COL26A1: variants seen among roughly 807,000 people sequenced by gnomAD.
The protein encoded by COL26A1 is collagen type XXVI alpha 1 chain, also known as collagen alpha-1(XXVI) chain.
In COL26A1, 41 loss-of-function variants were observed where a neutral mutation model predicts 59.3. The observed-to-expected ratio is 0.69, with a 90% CI of 0.54 to 0.90. The LOEUF (loss-of-function observed/expected upper bound fraction) is 0.90, where lower values mean the gene tolerates loss of function less well. Among genes scored for constraint, COL26A1 ranks in the 40% least tolerant of loss-of-function variants. The pLI is 0.00. For missense variants in COL26A1, 612 were observed against 602.3 expected, an observed-to-expected ratio of 1.02 and a Z score of -0.17; for synonymous variants, 266 against 256.0, an observed-to-expected ratio of 1.04 and a Z score of -0.37.
At chr7:101,494,976 G>C (rs989109305) in intron 3 of COL26A1, among the ~76,000 whole-genome samples, 2 of 152,164 alleles carry the variant, frequency 1.3e-5, no homozygotes, top group Non-Finnish European at 2.9e-5. Flanking sequence ...TTCCTTCCCC[G>C]TGGCTTCCAA....
intron 1 of COL26A1, among the ~76,000 whole-genome samples, chr7:101,405,269 T>G (rs1247414175): frequency 1.3e-5 from 2 of 151,854 alleles, no homozygotes; most frequent in Non-Finnish European, 2.9e-5. Context: ...AATATAATCA[T>G]AATCCTGAAC....
intron 3 of COL26A1, among the ~76,000 whole-genome samples, chr7:101,497,640 C>T (rs1428775358): frequency 6.6e-6 from 1 of 151,766 alleles, no homozygotes; most frequent in Non-Finnish European, 1.5e-5. Flanking sequence ...TGCACGATTA[C>T]ACCCCAGCCT....
Position 101,445,574 on chromosome 7 carries a change from AC to A in COL26A1, c.282-2109del, listed in dbSNP as rs1269520817. On this transcript the variant is annotated intron_variant, in intron 2 of 12. Transcript: ENST00000313669. The stretch of plus-strand genomic sequence containing the variant: ...GTGAAACCCCGTCTCTGCTAAAAAT[AC>A]AAAAAAATTGGCCGGGCGTGGTGGC... 1.6e-4 allele frequency among the ~76,000 whole-genome samples: 4 copies of A among 25,020 alleles called. No individual in the cohort carries two copies. In the African/African-American group the frequency reaches 1.7e-3, roughly 11 times the overall value. 16.4% of individuals were successfully genotyped at this position (25,020 alleles called of 152,430 possible).
chr7:101,466,539 A>G (rs960175998), intron 3 of COL26A1, among the ~76,000 whole-genome samples: 2 of 151,946 alleles, frequency 1.3e-5, no homozygotes, highest in African/African-American at 4.8e-5. Flanking sequence ...CTCTACAGAA[A>G]ACTTTAAAAA....
chr7:101,549,164 C>T lies in COL26A1; in HGVS notation c.941-7C>T. 1.3e-6 allele frequency: 2 copies of T among 1,577,090 alleles called. No individual in the cohort carries two copies. The highest frequency in any genetic ancestry group is 8.6e-7 in the Non-Finnish European group (1 of 1,162,584). Reference sequence around the variant, plus strand: ...CCCCAGGTGACCATCTGTGACTCTGCCCACAGGTCCCCCTGGGCCTCGAGG... The same window carrying T: ...CCCCAGGTGACCATCTGTGACTCTGTCCACAGGTCCCCCTGGGCCTCGAGG... On this transcript the variant is annotated splice_region_variant and splice_polypyrimidine_tract_variant and intron_variant, in intron 8 of 12. Transcript: ENST00000313669.
chr7:101,435,918 C>G (rs34861673), intron 2 of COL26A1, among the ~76,000 whole-genome samples: 10 of 152,276 alleles, frequency 6.6e-5, no homozygotes, highest in East Asian at 3.9e-4. Context: ...CAGCCTCCCC[C>G]CTCTGGTTGG....
intron 4 of COL26A1, among the ~76,000 whole-genome samples, chr7:101,533,417 C>T (rs544236070): frequency 3.3e-5 from 5 of 152,096 alleles, no homozygotes; most frequent in African/African-American, 1.2e-4. Context: ...AGGCTGGACA[C>T]CCAGAAGACA....
At chr7:101,365,761 G>T (rs1301346914) in intron 1 of COL26A1, among the ~76,000 whole-genome samples, 1 of 151,986 alleles carries the variant, frequency 6.6e-6, no homozygotes, top group Admixed American at 6.6e-5. Flanking sequence ...GGATTGAATG[G>T]ATGTTTTGCA....
In COL26A1 at chr7:101,405,264, A is replaced by T. The variant is rs75563916; in HGVS notation, c.159-14713A>T. Among the ~76,000 whole-genome samples, 688 of 152,254 alleles carry T rather than the reference A, an allele frequency of 4.5e-3. 34 individuals are homozygous for T. In the East Asian group the frequency reaches 0.1, roughly 23 times the overall value. On this transcript the variant is annotated intron_variant, in intron 1 of 12. Transcript: ENST00000313669. The stretch of plus-strand genomic sequence containing the variant: ...AAATTATACTTTATAATGAAAATAT[A>T]ATCATAATCCTGAACTAGCTCTATC...
intron 3 of COL26A1, among the ~76,000 whole-genome samples, chr7:101,528,566 C>G (rs1485024674): frequency 6.6e-6 from 1 of 151,646 alleles, no homozygotes; most frequent in Admixed American, 6.6e-5. Flanking sequence ...CCTCCCCTCT[C>G]TGACAGGGTC....
intron 3 of COL26A1, among the ~76,000 whole-genome samples, chr7:101,473,608 CCACACACACACACACACACACACACA>C (rs150820078): frequency 1.4e-5 from 2 of 143,374 alleles, no homozygotes; most frequent in Non-Finnish European, 3.0e-5. Context: ...CACCTTGTCT[CCACACACACACACACACACACACACA>C]CACACACACA....
At chr7:101,493,939 A>G (rs1452535438) in intron 3 of COL26A1, among the ~76,000 whole-genome samples, 6 of 151,762 alleles carry the variant, frequency 4.0e-5, no homozygotes, top group African/African-American at 1.5e-4. Flanking sequence ...TCTCAAAAAA[A>G]AAAAAAAAAT....
intron 1 of COL26A1, among the ~76,000 whole-genome samples, chr7:101,414,303 G>A (rs1792318221): frequency 6.6e-6 from 1 of 152,088 alleles, no homozygotes; most frequent in Non-Finnish European, 1.5e-5. Flanking sequence ...GTTCAGAGAT[G>A]CTGGACGACG....
intron 3 of COL26A1, among the ~76,000 whole-genome samples, chr7:101,524,345 A>T (rs1795198364): frequency 6.6e-6 from 1 of 152,278 alleles, no homozygotes; most frequent in East Asian, 1.9e-4. Context: ...TGCTAAGGGA[A>T]AAACCTTCTA....
chr7:101,467,543 G>C (rs1309155621), intron 3 of COL26A1, among the ~76,000 whole-genome samples: 2 of 151,840 alleles, frequency 1.3e-5, no homozygotes, highest in Admixed American at 6.6e-5. Context: ...CATCTTGTCT[G>C]TTCCTTCCTG....
intron 5 of COL26A1, among the ~76,000 whole-genome samples, chr7:101,541,248 C>T (rs545978889): frequency 6.6e-6 from 1 of 152,348 alleles, no homozygotes; most frequent in Admixed American, 6.5e-5. Context: ...CTTACTGCTT[C>T]CCACCTCTTT....
chr7:101,444,866 T>C (rs946828402), intron 2 of COL26A1, among the ~76,000 whole-genome samples: 3 of 151,604 alleles, frequency 2.0e-5, no homozygotes, highest in Non-Finnish European at 4.4e-5. Flanking sequence ...TTTTTTGAGA[T>C]GGAGTCTCAC....
rs190690710 is a variant in COL26A1 at position 101,491,858 on chromosome 7, G to A, written c.386-41224G>A. 4.6e-5 allele frequency among the ~76,000 whole-genome samples: 7 copies of A among 152,314 alleles called. No individual in the cohort carries two copies. The East Asian group carries it at 1.4e-3, about 29-fold the overall frequency. On this transcript the variant is annotated intron_variant, in intron 3 of 12. Transcript: ENST00000313669. ...TGACTTAGAATGCTTTAACCATCTG[G>A]GAATGCACGCAGTAGATCTCAGCCT...
chr7:101,499,628 G>A (rs1197530474), intron 3 of COL26A1, among the ~76,000 whole-genome samples: 3 of 152,122 alleles, frequency 2.0e-5, no homozygotes, highest in Non-Finnish European at 4.4e-5. Flanking sequence ...AGGTTACAGT[G>A]AGCTGAGATT....
Sources: gnomAD v4.1 joint callset for allele counts (sites outside exome capture counted in the v4.1 genomes callset) on GRCh38, gnomAD v4.1.1 for gene constraint, MANE v1.5 for transcripts, NCBI Gene and HGNC (gene_info 2026-07-23, HGNC 2026-07-21) for gene names.